RASGRP3: variants seen among roughly 807,000 people sequenced by gnomAD.
RASGRP3 encodes the protein ras guanyl-releasing protein 3.
Under a neutral mutation model 82.7 loss-of-function variants are expected in RASGRP3, and 54 were observed. The observed-to-expected ratio is 0.65, with a 90% CI of 0.52 to 0.82. RASGRP3 has a LOEUF of 0.82. Ranked by LOEUF, RASGRP3 falls within the 40% of genes least tolerant of loss-of-function variation. The probability of loss-of-function intolerance (pLI) is 0.00; values close to 1 mark genes in which losing one functional copy is unlikely to be tolerated. For synonymous variants in RASGRP3, 309 were observed against 300.5 expected (o/e 1.03, Z -0.29); for missense variants, 861 against 828.9 (o/e 1.04, Z -0.48).
intron 13 of RASGRP3, among the ~76,000 whole-genome samples, chr2:33,545,024 A>G (rs1474018643): frequency 1.3e-5 from 2 of 152,208 alleles, no homozygotes; most frequent in East Asian, 3.8e-4. Flanking sequence ...TTGCCTGCTA[A>G]CTACCCACTT....
intron 1 of RASGRP3, among the ~76,000 whole-genome samples, chr2:33,508,856 T>A (rs1670654574): frequency 6.6e-6 from 1 of 152,238 alleles, no homozygotes; most frequent in South Asian, 2.1e-4. Context: ...ACCCATGTCA[T>A]GTTTCTAAAA....
chr2:33,446,693 C>G (rs1665521368), intron 1 of RASGRP3, among the ~76,000 whole-genome samples: 1 of 151,898 alleles, frequency 6.6e-6, no homozygotes, highest in Admixed American at 6.6e-5. Context: ...TCAACAGCCT[C>G]TAGGGTGGGG....
At chr2:33,526,845 C>G (rs1223205859) in intron 9 of RASGRP3, among the ~76,000 whole-genome samples, 2 of 152,170 alleles carry the variant, frequency 1.3e-5, no homozygotes, top group African/African-American at 4.8e-5. Flanking sequence ...TCATAAATTT[C>G]CAAACACTTA....
At chr2:33,473,381 T>TC (rs1667177775), upstream of RASGRP3, among the ~76,000 whole-genome samples, 1 of 137,944 alleles carries the variant, frequency 7.2e-6, no homozygotes, top group African/African-American at 2.8e-5. Flanking sequence ...AGACTCCGTC[T>TC]CAAAAAAAAA....
intron 2 of RASGRP3, among the ~76,000 whole-genome samples, chr2:33,451,511 A>G: frequency 6.6e-6 from 1 of 152,164 alleles, no homozygotes; most frequent in Non-Finnish European, 1.5e-5. Context: ...ATATTCCCCT[A>G]TCTTTTCTTG....
chr2:33,508,514 C>T (rs1375396460), intron 1 of RASGRP3, among the ~76,000 whole-genome samples: 1 of 152,012 alleles, frequency 6.6e-6, no homozygotes, highest in Non-Finnish European at 1.5e-5. Context: ...AGGAGAGACC[C>T]CCCAAAAAGG....
chr2:33,516,489 A>T, intron 3 of RASGRP3, 53 bp from the exon 4 acceptor site: 1 of 1,255,662 alleles, frequency 8.0e-7, no homozygotes, highest in Non-Finnish European at 1.1e-6. Context: ...ATGTTAGAAA[A>T]AGTAAAGAAT....
chr2:33,491,797 C>T (rs1668866956), intron 1 of RASGRP3, among the ~76,000 whole-genome samples: 1 of 152,236 alleles, frequency 6.6e-6, no homozygotes, highest in Non-Finnish European at 1.5e-5. Context: ...CTCTCAGCTG[C>T]CCTGCACTGA....
chr2:33,446,159 T>G (rs1665487714), intron 1 of RASGRP3, among the ~76,000 whole-genome samples: 2 of 152,090 alleles, frequency 1.3e-5, no homozygotes, highest in Non-Finnish European at 1.5e-5. Context: ...GTTCGTTTGT[T>G]TGTTTGTTTT....
chr2:33,453,574 G>C (rs986411535), intron 2 of RASGRP3, among the ~76,000 whole-genome samples: 1 of 152,174 alleles, frequency 6.6e-6, no homozygotes, highest in Non-Finnish European at 1.5e-5. Flanking sequence ...TTCTTTCAGA[G>C]TGAGAGATTC....
chr2:33,437,974 G>A (rs572125600), intron 1 of RASGRP3, among the ~76,000 whole-genome samples: 11 of 152,160 alleles, frequency 7.2e-5, no homozygotes, highest in Non-Finnish European at 1.3e-4. Flanking sequence ...TCCACAGAGT[G>A]GACTCTAAGG....
chr2:33,525,700 A>G (rs13025533), intron 9 of RASGRP3, among the ~76,000 whole-genome samples: 1 of 22,508 alleles, frequency 4.4e-5, no homozygotes, highest in Middle Eastern at 0.028. Flanking sequence ...CTGTCTCTAC[A>G]AAAAAAAAAA....
In RASGRP3 at chr2:33,524,811, G is replaced by GT. The variant is rs1672362693; in HGVS notation, c.807+263_807+264insT. On this transcript the variant is annotated intron_variant, in intron 9 of 17. Coordinates refer to ENST00000403687, the MANE Select transcript of RASGRP3 (RefSeq NM_001139488.2). Reference sequence around the variant, plus strand: ...TACTGTAGTGGTGGCCGGGCACGGTGGCTCACACCTGTAATCCCAGTACTT... The same window carrying GT: ...TACTGTAGTGGTGGCCGGGCACGGTGTGCTCACACCTGTAATCCCAGTACTT... Among the ~76,000 whole-genome samples, 5 of 152,184 alleles carry GT rather than the reference G, an allele frequency of 3.3e-5. No homozygotes were observed. In the South Asian group the frequency reaches 1.0e-3, roughly 32 times the overall value.
intron 7 of RASGRP3, 87 bp downstream of exon 7, chr2:33,522,189 G>A: frequency 7.0e-7 from 1 of 1,436,040 alleles, no homozygotes; most frequent in East Asian, 2.3e-5. Context: ...CTGAAGTGTT[G>A]GCAGCTTCTA....
chr2:33,451,887 C>G (rs1665818934), intron 2 of RASGRP3, among the ~76,000 whole-genome samples: 1 of 151,932 alleles, frequency 6.6e-6, no homozygotes, highest in Non-Finnish European at 1.5e-5. Flanking sequence ...TTTCATAAAT[C>G]CTATAGGCTT....
chr2:33,534,092 T>G (rs576861040), intron 10 of RASGRP3: 1 of 529,694 alleles, frequency 1.9e-6, no homozygotes, highest in South Asian at 2.3e-5. Context: ...TCAGTAAATA[T>G]TGCTGAGGAA....
intron 1 of RASGRP3, chr2:33,481,645 A>G (rs1667929560): frequency 6.6e-6 from 1 of 152,180 alleles, no homozygotes; most frequent in Non-Finnish European, 1.5e-5. Flanking sequence ...GCCTATGGAC[A>G]TTTGACTTTG....
At chr2:33,461,230 T>C (rs189690818) in intron 2 of RASGRP3, among the ~76,000 whole-genome samples, 14 of 152,328 alleles carry the variant, frequency 9.2e-5, no homozygotes, top group African/African-American at 2.9e-4. Flanking sequence ...AGAAGACTCC[T>C]TTTTTAAATT....
intron 16 of RASGRP3, 52 bp from the exon 17 acceptor site, chr2:33,558,620 T>C: frequency 6.8e-7 from 1 of 1,463,266 alleles, no homozygotes; most frequent in South Asian, 1.3e-5. Flanking sequence ...CCTTGATGCT[T>C]TGCTGTCAAG....
Sources: gnomAD v4.1 joint callset for allele counts (sites outside exome capture counted in the v4.1 genomes callset) on GRCh38, gnomAD v4.1.1 for gene constraint, MANE v1.5 for transcripts, NCBI Gene and HGNC (gene_info 2026-07-23, HGNC 2026-07-21) for gene names.